Variants in BLNK observed in about 807,000 individuals in gnomAD.
BLNK encodes B-cell linker protein.
Under a neutral mutation model 73.5 loss-of-function variants are expected in BLNK, and 29 were observed. That is an observed-to-expected ratio of 0.39 (90% CI 0.29 to 0.54). The LOEUF is 0.54. Ranked by LOEUF, BLNK falls within the 20% of genes least tolerant of loss-of-function variation. The probability of loss-of-function intolerance (pLI) is 0.61; values close to 1 mark genes in which losing one functional copy is unlikely to be tolerated. For missense variants in BLNK, 460 were observed against 562.8 expected, an observed-to-expected ratio of 0.82 and a Z score of 1.85; for synonymous variants, 176 against 200.8, an observed-to-expected ratio of 0.88 and a Z score of 1.04.
At chr10:96,259,798 C>G (rs542251115) in intron 1 of BLNK, among the ~76,000 whole-genome samples, 2 of 147,202 alleles carry the variant, frequency 1.4e-5, no homozygotes, top group East Asian at 4.2e-4. Flanking sequence ...ATTGGGCTGA[C>G]TTGGCACAAG....
chr10:96,215,032 T>G (rs2084032260), intron 8 of BLNK, among the ~76,000 whole-genome samples: 1 of 152,042 alleles, frequency 6.6e-6, no homozygotes. Context: ...GGTTGAGGGC[T>G]GAGGGCTAAA....
chr10:96,260,606 A>C (rs1338821452), intron 1 of BLNK, among the ~76,000 whole-genome samples: 1 of 152,144 alleles, frequency 6.6e-6, no homozygotes, highest in African/African-American at 2.4e-5. Flanking sequence ...CCTGGCATCC[A>C]TTTCTGCAGG....
chr10:96,199,370 T>C (rs2083565147), intron 15 of BLNK: 2 of 275,574 alleles, frequency 7.3e-6, no homozygotes. Flanking sequence ...TGTTTGTTTG[T>C]TTGTTTGCCA....
chr10:96,247,109 T>C, intron 1 of BLNK, 60 bp from the exon 2 acceptor site: 2 of 1,189,590 alleles, frequency 1.7e-6, no homozygotes, highest in Non-Finnish European at 2.4e-6. Flanking sequence ...TTAAAAAAAG[T>C]CTCCTACTCT....
At chr10:96,263,011 C>T (rs1289745294) in intron 1 of BLNK, among the ~76,000 whole-genome samples, 4 of 152,180 alleles carry the variant, frequency 2.6e-5, no homozygotes, top group African/African-American at 9.7e-5. Flanking sequence ...GAGAGGTGTC[C>T]TTTCAGTCCT....
chr10:96,270,178 G>C (rs1452597913), intron 1 of BLNK, among the ~76,000 whole-genome samples: 1 of 152,188 alleles, frequency 6.6e-6, no homozygotes, highest in African/African-American at 2.4e-5. Flanking sequence ...CACAGCTGAT[G>C]TTGCCTACTG....
intron 2 of BLNK, among the ~76,000 whole-genome samples, chr10:96,243,916 A>C (rs1199719521): frequency 3.3e-5 from 5 of 152,278 alleles, no homozygotes; most frequent in African/African-American, 1.2e-4. Context: ...TATATCCAGT[A>C]GCCTTTATTT....
At position 96,190,725 on chromosome 10, in the gene BLNK, T is replaced by G. The variant is rs1465336822; in HGVS notation, c.*1248A>C. Among the ~76,000 whole-genome samples the G allele has an allele frequency of 3.9e-5, 6 of 152,258 alleles. No homozygotes were observed. The highest frequency in any genetic ancestry group is 1.4e-4 in the African/African-American group (6 of 41,478). On this transcript the variant is annotated 3_prime_UTR_variant, in exon 17 of 17. Coordinates refer to ENST00000224337, the MANE Select transcript of BLNK (RefSeq NM_013314.4). ...AATTATTAGACTTAATTAGCTGCTT[T>G]ATCACTTCACTGCTGTCTGAAGTAC...
intron 2 of BLNK, 97 bp from the exon 3 acceptor site, chr10:96,242,881 T>A (rs140464403): frequency 1.5e-5 from 15 of 976,956 alleles, no homozygotes; most frequent in Non-Finnish European, 2.5e-5. Context: ...GATAGACAAC[T>A]AATAGCATAA....
At chr10:96,245,951 C>T (rs1843028610) in intron 2 of BLNK, among the ~76,000 whole-genome samples, 1 of 151,986 alleles carries the variant, frequency 6.6e-6, no homozygotes, top group Admixed American at 6.6e-5. Context: ...ACAATTCTGG[C>T]CTCTTTGATT....
rs963164660 is a variant in BLNK, at chr10:96,228,222, C to T, written c.205-656G>A. The stretch of plus-strand genomic sequence containing the variant: ...TCCAGCGATTCTCCTGCCCTAGTCT[C>T]CCAAGTAGCTGGGATTACAGGCATG... On this transcript the variant is annotated intron_variant, in intron 4 of 16. Coordinates refer to ENST00000224337, the MANE Select transcript of BLNK (RefSeq NM_013314.4). Among the ~76,000 whole-genome samples, 5 of 151,996 alleles carry T rather than the reference C, an allele frequency of 3.3e-5. No homozygotes were observed. The East Asian group carries it at 9.6e-4, about 29-fold the overall frequency.
intron 8 of BLNK, 150 bp downstream of exon 8, chr10:96,215,171 G>T (rs782339069): frequency 3.4e-6 from 3 of 871,606 alleles, no homozygotes; most frequent in Non-Finnish European, 5.5e-6. Flanking sequence ...TTCCACACAC[G>T]TGCCACCAGA....
At position 96,197,069 on chromosome 10, in the gene BLNK, T is replaced by C; in HGVS notation, c.1096-6A>G. ...CGAATAAGAAATGATCCATCCTGTTTAATTTTTTTTAAAAAACATAATTAT... is the reference window on the plus strand; with the variant it reads ...CGAATAAGAAATGATCCATCCTGTTCAATTTTTTTTAAAAAACATAATTAT... On this transcript the variant is annotated splice_region_variant and splice_polypyrimidine_tract_variant and intron_variant, in intron 15 of 16. Coordinates refer to ENST00000224337, the MANE Select transcript of BLNK (RefSeq NM_013314.4). The C allele has an allele frequency of 2.5e-6, 4 of 1,607,604 alleles. No homozygotes were observed. Among genetic ancestry groups the C allele is most frequent in the Non-Finnish European group, 3.4e-6 (4 of 1,177,070 alleles).
At chr10:96,242,702 A>G (rs113100346) in intron 3 of BLNK, 33 bp downstream of exon 3, 5 of 1,586,892 alleles carry the variant, frequency 3.2e-6, no homozygotes, top group Non-Finnish European at 4.3e-6. Flanking sequence ...AAATTAGTCA[A>G]GAGTCAGTTA....
In BLNK at chr10:96,227,589, T is replaced by C. The variant is rs1554902855; in HGVS notation, c.205-23A>G. On this transcript the variant is annotated intron_variant, in intron 4 of 16. Coordinates refer to ENST00000224337, the MANE Select transcript of BLNK (RefSeq NM_013314.4). ...GTCCTGCAAGTGCAGATGCAGACAC[T>C]GTGCTCAGCATCCCCGTCTGTGCTG... 8 of 1,613,598 alleles carry C rather than the reference T, an allele frequency of 5.0e-6. No individual in the cohort carries two copies. The South Asian group carries it at 8.8e-5, about 18-fold the overall frequency.
intron 1 of BLNK, among the ~76,000 whole-genome samples, chr10:96,269,934 T>C (rs74153613): frequency 0.035 from 5,324 of 152,228 alleles, 267 homozygotes; most frequent in African/African-American, 0.11. Context: ...TATTTTATAA[T>C]TTTACCCACC....
In BLNK at chr10:96,204,636, A is replaced by T; in HGVS notation, c.818-20T>A. The T allele has an allele frequency of 6.2e-7, 1 of 1,612,336 alleles. No homozygotes were observed. The highest frequency in any genetic ancestry group is 8.5e-7 in the Non-Finnish European group (1 of 1,178,486). On this transcript the variant is annotated intron_variant, in intron 11 of 16. Coordinates refer to ENST00000224337, the MANE Select transcript of BLNK (RefSeq NM_013314.4). ...GTTTTTCTGGATCAGGAAAATTATC[A>T]TATTAGGATTAGAGTGAAATGTCTG...
chr10:96,255,637 TC>T (rs1843476508), intron 1 of BLNK, among the ~76,000 whole-genome samples: 1 of 152,156 alleles, frequency 6.6e-6, no homozygotes, highest in Non-Finnish European at 1.5e-5. Flanking sequence ...AATAAATAAA[TC>T]CTTCCTTCTT....
chr10:96,222,310 A>G (rs2084216294), intron 6 of BLNK, among the ~76,000 whole-genome samples: 1 of 152,192 alleles, frequency 6.6e-6, no homozygotes, highest in Non-Finnish European at 1.5e-5. Flanking sequence ...AATTTTATAA[A>G]GGCGGAATGA....
Sources: gnomAD v4.1 joint callset for allele counts (sites outside exome capture counted in the v4.1 genomes callset) on GRCh38, gnomAD v4.1.1 for gene constraint, MANE v1.5 for transcripts, NCBI Gene and HGNC (gene_info 2026-07-23, HGNC 2026-07-21) for gene names.